Variants in ANAPC5 observed in about 807,000 individuals in gnomAD.
The protein encoded by ANAPC5 is anaphase-promoting complex subunit 5.
A neutral mutation model predicts 91.3 loss-of-function variants in ANAPC5; 60 were observed. That is an observed-to-expected ratio of 0.66 (90% CI 0.53 to 0.81). The LOEUF is 0.81. Ranked by LOEUF, ANAPC5 falls within the 40% of genes least tolerant of loss-of-function variation. The pLI is 0.00. For synonymous variants in ANAPC5, 340 were observed against 364.1 expected, an observed-to-expected ratio of 0.93 and a Z score of 0.75; for missense variants, 690 against 931.5, an observed-to-expected ratio of 0.74 and a Z score of 3.37.
intron 12 of ANAPC5, 100 bp downstream of exon 12, chr12:121,320,285 C>G (rs1424234690): frequency 2.0e-5 from 23 of 1,153,416 alleles, no homozygotes; most frequent in Non-Finnish European, 2.7e-5. Flanking sequence ...CTTTTTAGCT[C>G]AATATTATTT....
upstream of ANAPC5, among the ~76,000 whole-genome samples, chr12:121,352,718 T>TGGTGG (rs1555275623): frequency 1.2e-4 from 12 of 102,344 alleles, no homozygotes; most frequent in Non-Finnish European, 2.3e-4. Flanking sequence ...GTTGTTGTTG[T>TGGTGG]TGGTGGTGGT....
intron 7 of ANAPC5, 110 bp downstream of exon 7, chr12:121,335,423 C>T (rs1903191938): frequency 1.5e-6 from 2 of 1,298,902 alleles, no homozygotes; most frequent in Non-Finnish European, 2.1e-6. Context: ...GCCTTGGCCT[C>T]CCAAAGTGCT....
chr12:121,340,381 A>C (rs542928601), intron 5 of ANAPC5, among the ~76,000 whole-genome samples: 45 of 151,998 alleles, frequency 3.0e-4, no homozygotes, highest in Non-Finnish European at 5.7e-4. Flanking sequence ...TAAAGCTGTA[A>C]ATATTTACAT....
At chr12:121,313,097 G>C (rs565841511) in intron 15 of ANAPC5, among the ~76,000 whole-genome samples, 1 of 152,178 alleles carries the variant, frequency 6.6e-6, no homozygotes, top group Admixed American at 6.5e-5. Context: ...AGGCCAAGGC[G>C]GATGAATCAC....
Position 121,338,945 on chromosome 12 carries a change from A to G in ANAPC5, c.658-1553T>C, listed in dbSNP as rs139751384. On this transcript the variant is annotated intron_variant, in intron 5 of 16. Transcript: ENST00000261819. ...TATTCCAAATTTATATAATGTGTAT[A>G]TACACATTATATTTTTAACAAAATC... 7.9e-3 allele frequency among the ~76,000 whole-genome samples: 1,207 copies of G among 152,038 alleles called. 8 individuals are homozygous for G. Among genetic ancestry groups the G allele is most frequent in the South Asian group, 0.017 (80 of 4,830 alleles).
In ANAPC5 at chr12:121,308,649, T is replaced by C. The variant is rs1275665896; in HGVS notation, c.2099A>G (p.Tyr700Cys). 1 of 1,613,974 alleles carries C rather than the reference T, an allele frequency of 6.2e-7. No individual in the cohort carries two copies. The highest frequency in any genetic ancestry group is 8.5e-7 in the Non-Finnish European group (1 of 1,180,020). The change falls in exon 17 of 17, where the codon TAT becomes TGT. Residue 700 changes from tyrosine (Y) to cysteine (C), a missense_variant. Coordinates refer to ENST00000261819, the MANE Select transcript of ANAPC5 (RefSeq NM_016237.5). The part of the protein sequence containing the change: ...AIENLNEAKN[Y>C]FAKVDCKERI... ...CTCTTTGCAGTCAACCTTTGCAAAA[T>C]AGTTCTTGGCTTCATTGAGGTTCTC...
chr12:121,347,251 T>C, intron 2 of ANAPC5: 2 of 464,740 alleles, frequency 4.3e-6, no homozygotes, highest in South Asian at 2.9e-5. Context: ...CATTCAATTA[T>C]CTGCAATGAC....
In ANAPC5 at chr12:121,308,717, C is replaced by T. The variant is rs373299039; in HGVS notation, c.2057-26G>A. 2.2e-5 allele frequency: 34 copies of T among 1,574,420 alleles called. No homozygotes were observed. In the African/African-American group the frequency reaches 4.3e-4, roughly 20 times the overall value. ...CTGACGGAAAGGGGAAAATAACACA[C>T]ACATTTAACTCAACCCTTCACGTAT... is the stretch of plus-strand genomic sequence containing the variant. On this transcript the variant is annotated intron_variant, in intron 16 of 16. Coordinates refer to ENST00000261819, the MANE Select transcript of ANAPC5 (RefSeq NM_016237.5).
At position 121,309,854 on chromosome 12, in the gene ANAPC5, CAAGAATGAGCTG is replaced by C; in HGVS notation, c.1894-3_1902del. ...AGACTTAAGGCCTGTTCTGGGATTC[CAAGAATGAGCTG>C]AAAAAGAAACATCATGGCACTGTAC... On this transcript the variant is annotated splice_acceptor_variant and splice_polypyrimidine_tract_variant and coding_sequence_variant and intron_variant, in exon 16 of 17. Transcript: ENST00000261819. LOFTEE classifies it high-confidence loss of function. The C allele has an allele frequency of 5.0e-6, 8 of 1,612,632 alleles. No homozygotes were observed. Among genetic ancestry groups the C allele is most frequent in the Non-Finnish European group, 6.8e-6 (8 of 1,179,462 alleles).
intron 1 of ANAPC5, among the ~76,000 whole-genome samples, chr12:121,350,453 G>A (rs1018124403): frequency 5.9e-5 from 9 of 152,082 alleles, no homozygotes; most frequent in Non-Finnish European, 7.4e-5. Flanking sequence ...AGGCCGAGGC[G>A]GACAGATCAC....
chr12:121,348,242 G>A (rs1903746976), intron 1 of ANAPC5, among the ~76,000 whole-genome samples: 1 of 152,116 alleles, frequency 6.6e-6, no homozygotes, highest in African/African-American at 2.4e-5. Flanking sequence ...GATTAAATAA[G>A]ATAATACAAA....
rs1902519283 is a variant in ANAPC5 at position 121,319,713 on chromosome 12, T to C, written c.1621A>G (p.Ile541Val). The change falls in exon 13 of 17, where the codon ATA becomes GTA. Residue 541 changes from isoleucine to valine, a missense_variant. This residue lies in a region of ANAPC5 where 317 missense variants were observed against 438.7 expected (regional missense o/e 0.72). Transcript: ENST00000261819. ...LVTGITALNS[I>V]EGVYRKAVVL... Reference sequence around the variant, plus strand: ...GTTTCTTACCTATAAACACCCTCTATGCTATTGAGAGCTGTGATTCCTGTA... The same window carrying C: ...GTTTCTTACCTATAAACACCCTCTACGCTATTGAGAGCTGTGATTCCTGTA... The C allele has an allele frequency of 1.2e-6, 2 of 1,611,280 alleles. No homozygotes were observed. The highest frequency in any genetic ancestry group is 1.3e-5 in the African/African-American group (1 of 74,820).
chr12:121,339,979 C>T (rs1566193840), intron 5 of ANAPC5, among the ~76,000 whole-genome samples: 1 of 146,950 alleles, frequency 6.8e-6, no homozygotes, highest in Non-Finnish European at 1.5e-5. Flanking sequence ...CAGGTTCAAG[C>T]GATTCTCCTG....
upstream of ANAPC5, chr12:121,352,573 T>C: frequency 2.1e-6 from 1 of 477,844 alleles, no homozygotes. Flanking sequence ...AAAGACTGAC[T>C]CCCTACAGAA....
At chr12:121,312,754 T>A (rs1222975517) in intron 15 of ANAPC5, among the ~76,000 whole-genome samples, 1 of 147,604 alleles carries the variant, frequency 6.8e-6, no homozygotes, top group African/African-American at 2.5e-5. Flanking sequence ...GTGGTGCACG[T>A]CTGTAATCCC....
At chr12:121,333,262 TGA>T (rs1439495169) in intron 7 of ANAPC5, 1 of 152,004 alleles carries the variant, frequency 6.6e-6, no homozygotes, top group Non-Finnish European at 1.5e-5. Flanking sequence ...GAGATGGCAG[TGA>T]GTCGAGATCG....
At chr12:121,352,718 T>TTGGTGGTGGTGGTGGTGG (rs377308371), upstream of ANAPC5, among the ~76,000 whole-genome samples, 178 of 102,380 alleles carry the variant, frequency 1.7e-3, 10 homozygotes, top group East Asian at 7.2e-3. Flanking sequence ...GTTGTTGTTG[T>TTGGTGGTGGTGGTGGTGG]TGGTGGTGGT....
rs11837857 is a variant in ANAPC5, at chr12:121,343,722, T to C, written c.591-1653A>G. Among the ~76,000 whole-genome samples, 1,213 of 152,254 alleles carry C rather than the reference T, an allele frequency of 8.0e-3. 16 individuals are homozygous for C. The highest frequency in any genetic ancestry group is 0.027 in the African/African-American group (1,127 of 41,542). Reference sequence around the variant, plus strand: ...ATAAGCATTCCCCATTTATAAACAATGTCACCCCCTGCCACCCTGGGGATT... The same window carrying C: ...ATAAGCATTCCCCATTTATAAACAACGTCACCCCCTGCCACCCTGGGGATT... On this transcript the variant is annotated intron_variant, in intron 4 of 16. Coordinates refer to ENST00000261819, the MANE Select transcript of ANAPC5 (RefSeq NM_016237.5).
intron 1 of ANAPC5, among the ~76,000 whole-genome samples, chr12:121,348,631 C>G (rs1241760202): frequency 2.6e-5 from 4 of 152,164 alleles, no homozygotes; most frequent in African/African-American, 9.6e-5. Flanking sequence ...CGCCATTGCA[C>G]TCCAGCCTGG....
Sources: allele counts gnomAD v4.1 joint callset (sites outside exome capture counted in the v4.1 genomes callset), GRCh38; gene constraint gnomAD v4.1.1; regional missense constraint gnomAD v4.1.1; transcripts MANE v1.5; gene names NCBI Gene and HGNC (gene_info 2026-07-23, HGNC 2026-07-21).